The following NPEPL1 variants were observed in gnomAD, a reference collection of about 807,000 sequenced individuals.
The protein encoded by NPEPL1 is aminopeptidase like 1.
Under a neutral mutation model 52.4 loss-of-function variants are expected in NPEPL1, and 45 were observed. The ratio of observed to expected loss-of-function variants is 0.86; its 90% CI spans 0.68 to 1.10. The LOEUF (loss-of-function observed/expected upper bound fraction) is 1.10. Among genes scored for constraint, NPEPL1 ranks in the 50% least tolerant of loss-of-function variants. NPEPL1 has a pLI of 0.00. For synonymous variants in NPEPL1, 360 were observed against 314.7 expected (o/e 1.14, Z -1.52); for missense variants, 696 against 710.9 (o/e 0.98, Z 0.24).
At chr20:58,699,092 C>G in intron 4 of NPEPL1, 105 bp from the exon 5 acceptor site, 1 of 1,098,192 alleles carries the variant, frequency 9.1e-7, no homozygotes, top group Non-Finnish European at 1.4e-6. Flanking sequence ...GGCTCCCCGA[C>G]GCGGCACAGG....
At chr20:58,702,092 G>T (rs191170798) in intron 6 of NPEPL1, among the ~76,000 whole-genome samples, 1 of 152,352 alleles carries the variant, frequency 6.6e-6, no homozygotes, top group East Asian at 1.9e-4. Context: ...GAGTGCATCC[G>T]CAGCAGACAC....
intron 7 of NPEPL1, chr20:58,711,390 G>C (rs1317488466): frequency 1.3e-5 from 2 of 152,494 alleles, no homozygotes; most frequent in Non-Finnish European, 2.9e-5. Context: ...TCAGTGCTGG[G>C]GTATCTGGGG....
upstream of NPEPL1, chr20:58,691,014 G>A (rs2084333753): frequency 1.5e-6 from 1 of 688,508 alleles, no homozygotes; most frequent in Admixed American, 2.1e-5. Flanking sequence ...GACATATTCT[G>A]CGTCTGTGTT....
At position 58,715,487 on chromosome 20, in the gene NPEPL1, T is replaced by C. The variant is rs1025552582; in HGVS notation, c.*161T>C. 1 of 750,230 alleles carries C rather than the reference T, an allele frequency of 1.3e-6. No individual in the cohort carries two copies. The highest frequency in any genetic ancestry group is 1.8e-5 in the African/African-American group (1 of 54,678). 46.5% of individuals were successfully genotyped at this position (750,230 alleles called of 1,614,324 possible). A position where few individuals can be genotyped will look rare whatever the true frequency, so the allele number is the denominator to read the frequency against. On this transcript the variant is annotated 3_prime_UTR_variant, in exon 12 of 12. Coordinates refer to ENST00000356091, the MANE Select transcript of NPEPL1 (RefSeq NM_024663.4). ...TGAAGTTTTAGGAGACAGCTTAGGGTTTGGTGCGGGCCACGGGGAGGGGAC... is the reference window on the plus strand; with the variant it reads ...TGAAGTTTTAGGAGACAGCTTAGGGCTTGGTGCGGGCCACGGGGAGGGGAC...
chr20:58,704,981 C>T (rs1409412808), intron 6 of NPEPL1, among the ~76,000 whole-genome samples: 2 of 152,132 alleles, frequency 1.3e-5, no homozygotes, highest in Non-Finnish European at 2.9e-5. Flanking sequence ...CAGAGTTCTG[C>T]AGAAATTCAA....
At chr20:58,703,914 G>C in intron 6 of NPEPL1, 2 of 985,342 alleles carry the variant, frequency 2.0e-6, no homozygotes, top group Non-Finnish European at 1.2e-6. Flanking sequence ...GGGTCCACCT[G>C]GTCTGCAGAC....
At chr20:58,703,272 C>T (rs944018390) in intron 6 of NPEPL1, among the ~76,000 whole-genome samples, 1 of 152,176 alleles carries the variant, frequency 6.6e-6, no homozygotes, top group Non-Finnish European at 1.5e-5. Context: ...AAAACGCAAC[C>T]GTAGCCACAG....
intron 7 of NPEPL1, 54 bp from the exon 8 acceptor site, chr20:58,712,425 C>T (rs1205703902): frequency 4.1e-5 from 50 of 1,228,996 alleles, no homozygotes; most frequent in Non-Finnish European, 5.5e-5. Context: ...TCGTCCTCCC[C>T]CCTCCCCAAA....
intron 6 of NPEPL1, chr20:58,703,896 T>C (rs768443294): frequency 7.5e-4 from 743 of 985,270 alleles, no homozygotes; most frequent in Non-Finnish European, 8.3e-4. Flanking sequence ...AGCCCCTGCC[T>C]ATTCCCGGGG....
chr20:58,698,058 C>T (rs1249036923), intron 3 of NPEPL1, among the ~76,000 whole-genome samples: 1 of 152,204 alleles, frequency 6.6e-6, no homozygotes, highest in African/African-American at 2.4e-5. Context: ...GGCAGCCAGA[C>T]CCCCATCTGT....
Position 58,713,673 on chromosome 20 carries a change from C to T in NPEPL1, c.1125+130C>T. 7.6e-7 allele frequency: 1 copy of T among 1,319,134 alleles called. No individual in the cohort carries two copies. The highest frequency in any genetic ancestry group is 1.0e-6 in the Non-Finnish European group (1 of 995,130). 81.7% of individuals were successfully genotyped at this position (1,319,134 alleles called of 1,614,324 possible). A position where few individuals can be genotyped will look rare whatever the true frequency, so the allele number is the denominator to read the frequency against. ...GTTTTCATAACTGGGCACGAGGAGGCAGGAGGAGCTGCCCGTCAAGCTTGG... is the reference window on the plus strand; with the variant it reads ...GTTTTCATAACTGGGCACGAGGAGGTAGGAGGAGCTGCCCGTCAAGCTTGG... On this transcript the variant is annotated intron_variant, in intron 9 of 11. Transcript: ENST00000356091. This position sits in a 1 kb window ranked among gnomAD's most constrained non-coding sequence, Gnocchi z 4.6.
chr20:58,711,058 C>A (rs1180393987), intron 7 of NPEPL1: 1 of 134,514 alleles, frequency 7.4e-6, no homozygotes, highest in Admixed American at 7.0e-5. Context: ...AATCCTCCTC[C>A]TCCCCGCTCC....
At chr20:58,699,678 A>C (rs1407699734) in intron 5 of NPEPL1, among the ~76,000 whole-genome samples, 10 of 152,078 alleles carry the variant, frequency 6.6e-5, no homozygotes, top group Admixed American at 3.3e-4. Context: ...ACTTTCCCCC[A>C]AGATATATTT....
chr20:58,692,721 C>G (rs997397521), upstream of NPEPL1: 170 of 734,534 alleles, frequency 2.3e-4, no homozygotes, highest in African/African-American at 3.1e-3. The surrounding 1 kb of genome is among the most constrained non-coding windows in gnomAD (Gnocchi z 5.7). Flanking sequence ...CCGGCGCCCC[C>G]TCGCGCCCCG....
At chr20:58,708,441 G>A (rs1490262138) in intron 7 of NPEPL1, among the ~76,000 whole-genome samples, 1 of 152,224 alleles carries the variant, frequency 6.6e-6, no homozygotes, top group Non-Finnish European at 1.5e-5. Flanking sequence ...GCACGGGTTT[G>A]GAAACGGCCT....
chr20:58,700,122 C>A (rs1466744509), intron 5 of NPEPL1, among the ~76,000 whole-genome samples: 1 of 152,196 alleles, frequency 6.6e-6, no homozygotes, highest in Non-Finnish European at 1.5e-5. Context: ...AGCCACCCTC[C>A]GAGCAAGGTC....
chr20:58,702,292 C>G (rs561491816), intron 6 of NPEPL1, among the ~76,000 whole-genome samples: 1 of 120,068 alleles, frequency 8.3e-6, no homozygotes, highest in Non-Finnish European at 1.9e-5. Flanking sequence ...AGTGGGCCTG[C>G]CCCTGGTGTC....
At position 58,692,957 on chromosome 20, in the gene NPEPL1, C is replaced by T; in HGVS notation, c.57C>T (p.Ser19=). Residue 19 remains serine (S), a synonymous_variant, in exon 1 of 12, where the codon AGC becomes AGT. Transcript: ENST00000356091. The surrounding 1 kb of genome is among the most constrained non-coding windows in gnomAD (Gnocchi z 5.7). Reference sequence around the variant, plus strand: ...GCGCGGGGGACTCGGACCCACAGAGCCGGCCCCTGCTGCTGCTCGGGCAGC... The same window carrying T: ...GCGCGGGGGACTCGGACCCACAGAGTCGGCCCCTGCTGCTGCTCGGGCAGC... The part of the protein sequence containing the change: ...QASAGDSDPQ[S]RPLLLLGQLH... 8.4e-7 allele frequency: 1 copy of T among 1,186,654 alleles called. No homozygotes were observed. The highest frequency in any genetic ancestry group is 3.0e-4 in the Middle Eastern group (1 of 3,286). The allele number at this position is 1,186,654 out of a possible 1,614,324, so 73.5% of individuals were successfully genotyped here.
upstream of NPEPL1, chr20:58,691,438 A>C (rs2084342104): frequency 2.9e-6 from 2 of 689,286 alleles, no homozygotes; most frequent in African/African-American, 1.8e-5. Context: ...GAGGAAAAAA[A>C]AACAACAAAA....
Sources: allele counts gnomAD v4.1 joint callset (sites outside exome capture counted in the v4.1 genomes callset), GRCh38; gene constraint gnomAD v4.1.1; non-coding constraint Gnocchi (gnomAD v3.1); transcripts MANE v1.5; gene names NCBI Gene and HGNC (gene_info 2026-07-23, HGNC 2026-07-21).